The following ZDHHC17 variants were observed in gnomAD, a reference collection of about 807,000 sequenced individuals.
ZDHHC17 encodes palmitoyltransferase ZDHHC17.
In ZDHHC17, 40 loss-of-function variants were observed where a neutral mutation model predicts 90.3. The ratio of observed to expected loss-of-function variants is 0.44; its 90% CI spans 0.34 to 0.58. The LOEUF (loss-of-function observed/expected upper bound fraction) is 0.58, where lower values mean the gene tolerates loss of function less well. Ranked by LOEUF, ZDHHC17 falls within the 20% of genes least tolerant of loss-of-function variation. The pLI is 0.01. For synonymous variants in ZDHHC17, 235 were observed against 252.4 expected (o/e 0.93, Z 0.65); for missense variants, 614 against 780.8 (o/e 0.79, Z 2.55).
At position 76,851,293 on chromosome 12, in the gene ZDHHC17, T is replaced by A. The variant is rs569792346; in HGVS notation, c.*308T>A. The A allele has an allele frequency of 2.1e-4, 67 of 325,544 alleles. No individual in the cohort carries two copies. The highest frequency in any genetic ancestry group is 3.7e-4 in the Non-Finnish European group (64 of 175,158). The allele number at this position is 325,544 out of a possible 1,614,324, so 20.2% of individuals were successfully genotyped here. A position where few individuals can be genotyped will look rare whatever the true frequency, so the allele number is the denominator to read the frequency against. On this transcript the variant is annotated 3_prime_UTR_variant, in exon 17 of 17. Coordinates refer to ENST00000426126, the MANE Select transcript of ZDHHC17 (RefSeq NM_015336.4). Reference sequence around the variant, plus strand: ...TATTTTTCACAAAAAAAGGGTAAACTTATTCTATTGACAGACATGGTGTAC... The same window carrying A: ...TATTTTTCACAAAAAAAGGGTAAACATATTCTATTGACAGACATGGTGTAC...
At chr12:76,771,035 G>A (rs1229010965) in intron 1 of ZDHHC17, among the ~76,000 whole-genome samples, 6 of 151,710 alleles carry the variant, frequency 4.0e-5, no homozygotes, top group Non-Finnish European at 5.9e-5. Context: ...CTCTTTCAGC[G>A]CATTATCTGA....
At position 76,851,354 on chromosome 12, in the gene ZDHHC17, T is replaced by A. The variant is rs1400443379; in HGVS notation, c.*369T>A. On this transcript the variant is annotated 3_prime_UTR_variant, in exon 17 of 17. Coordinates refer to ENST00000426126, the MANE Select transcript of ZDHHC17 (RefSeq NM_015336.4). Reference sequence around the variant, plus strand: ...TGTTCAGTTTTAACTAAAACTAAATTTATGTTATTTGGCTAAATGTTATGA... The same window carrying A: ...TGTTCAGTTTTAACTAAAACTAAATATATGTTATTTGGCTAAATGTTATGA... 2 of 222,456 alleles carry A rather than the reference T, an allele frequency of 9.0e-6. No homozygotes were observed. Among genetic ancestry groups the A allele is most frequent in the Non-Finnish European group, 1.8e-5 (2 of 113,352 alleles). 13.8% of individuals were successfully genotyped at this position (222,456 alleles called of 1,614,324 possible).
intron 1 of ZDHHC17, among the ~76,000 whole-genome samples, chr12:76,786,640 C>T (rs544228688): frequency 2.0e-5 from 3 of 152,218 alleles, no homozygotes; most frequent in Non-Finnish European, 4.4e-5. Context: ...CCTTCCCCAT[C>T]AGCCTCATGA....
chr12:76,835,058 C>CTT (rs56119519), intron 10 of ZDHHC17, among the ~76,000 whole-genome samples: 1 of 139,544 alleles, frequency 7.2e-6, no homozygotes, highest in Non-Finnish European at 1.5e-5. Flanking sequence ...AGCCTTAGGC[C>CTT]TTTTTTTTTT....
intron 13 of ZDHHC17, 52 bp from the exon 14 acceptor site, chr12:76,846,544 A>G: frequency 1.4e-6 from 2 of 1,400,438 alleles, no homozygotes; most frequent in South Asian, 1.2e-5. Flanking sequence ...AAGGTGCATT[A>G]CCCGTTGTTT....
At chr12:76,840,038 C>CT (rs1313248688) in intron 10 of ZDHHC17, 1 of 152,162 alleles carries the variant, frequency 6.6e-6, no homozygotes, top group Non-Finnish European at 1.5e-5. Context: ...GACAGTGTAG[C>CT]TTCTGCTTCA....
intron 1 of ZDHHC17, chr12:76,769,114 A>G (rs759425603): frequency 1.7e-5 from 7 of 416,280 alleles, no homozygotes; most frequent in African/African-American, 6.2e-5. Flanking sequence ...GCTGAAGTGC[A>G]ATGACGTGAT....
At chr12:76,765,438 C>T (rs931690323) in intron 1 of ZDHHC17, among the ~76,000 whole-genome samples, 1 of 152,154 alleles carries the variant, frequency 6.6e-6, no homozygotes, top group Non-Finnish European at 1.5e-5. Flanking sequence ...GAATATATAC[C>T]TGTGCCAGTC....
intron 1 of ZDHHC17, among the ~76,000 whole-genome samples, chr12:76,779,226 T>C (rs913850835): frequency 6.6e-6 from 1 of 152,222 alleles, no homozygotes; most frequent in Non-Finnish European, 1.5e-5. Context: ...AGTCACTTTG[T>C]TGTGATTTGC....
intron 14 of ZDHHC17, 46 bp downstream of exon 14, chr12:76,846,725 A>G: frequency 6.8e-7 from 1 of 1,464,176 alleles, no homozygotes; most frequent in Non-Finnish European, 9.4e-7. Context: ...ATTTCTGCAT[A>G]CTTAGATTAT....
intron 6 of ZDHHC17, 89 bp downstream of exon 6, chr12:76,815,299 C>T (rs1165830794): frequency 1.3e-5 from 10 of 776,010 alleles, no homozygotes; most frequent in Non-Finnish European, 1.8e-5. Context: ...TAATACTATA[C>T]TCACTAATAT....
chr12:76,778,167 A>G (rs892900379), intron 1 of ZDHHC17, among the ~76,000 whole-genome samples: 5 of 152,118 alleles, frequency 3.3e-5, no homozygotes, highest in Admixed American at 2.6e-4. Flanking sequence ...CAGTGAGATG[A>G]AGAAGTCTAT....
At chr12:76,848,156 T>G in intron 14 of ZDHHC17, 77 bp from the exon 15 acceptor site, 1 of 1,485,064 alleles carries the variant, frequency 6.7e-7, no homozygotes. Flanking sequence ...GTTTTCTAAA[T>G]GGTGCCAGCA....
chr12:76,823,827 C>CTTA (rs1953194934), intron 8 of ZDHHC17, among the ~76,000 whole-genome samples: 1 of 152,050 alleles, frequency 6.6e-6, no homozygotes, highest in African/African-American at 2.4e-5. Context: ...GTTTTCAGCC[C>CTTA]TATAAGCTGA....
At chr12:76,766,744 G>C (rs1236092047) in intron 1 of ZDHHC17, among the ~76,000 whole-genome samples, 3 of 152,128 alleles carry the variant, frequency 2.0e-5, no homozygotes, top group Non-Finnish European at 4.4e-5. Context: ...TCCTGGCTGG[G>C]CTCGGAGGCT....
rs553236956 is a variant in ZDHHC17, at chr12:76,801,998, C to T, written c.198-3319C>T. ...AAAGCGGAGTTACAAATTATTGTTA[C>T]GTCATACTAGGTTTTGTAATTGCCC... On this transcript the variant is annotated intron_variant, in intron 2 of 16. Transcript: ENST00000426126. Among the ~76,000 whole-genome samples the T allele has an allele frequency of 1.1e-4, 17 of 152,266 alleles. No homozygotes were observed. The South Asian group carries it at 1.4e-3, about 13-fold the overall frequency.
intron 1 of ZDHHC17, among the ~76,000 whole-genome samples, chr12:76,777,491 A>G (rs1053087455): frequency 6.6e-6 from 1 of 152,210 alleles, no homozygotes; most frequent in Non-Finnish European, 1.5e-5. Flanking sequence ...AAACTGCTTT[A>G]AACATTTGTG....
intron 1 of ZDHHC17, among the ~76,000 whole-genome samples, chr12:76,775,574 A>G (rs1167814249): frequency 6.6e-6 from 1 of 152,218 alleles, no homozygotes; most frequent in African/African-American, 2.4e-5. Context: ...TTCAATTAGT[A>G]GAAGTAAAAA....
chr12:76,788,337 A>G (rs1565769207), intron 1 of ZDHHC17, among the ~76,000 whole-genome samples: 1 of 152,224 alleles, frequency 6.6e-6, no homozygotes, highest in Non-Finnish European at 1.5e-5. Flanking sequence ...CCAAGGGTGT[A>G]CAGTTCAACT....
Sources: allele counts gnomAD v4.1 joint callset (sites outside exome capture counted in the v4.1 genomes callset), GRCh38; gene constraint gnomAD v4.1.1; transcripts MANE v1.5; gene names NCBI Gene and HGNC (gene_info 2026-07-23, HGNC 2026-07-21).